LHPP: variants seen among roughly 807,000 people sequenced by gnomAD.
LHPP encodes phospholysine phosphohistidine inorganic pyrophosphate phosphatase, also known as hLHPP.
Under a neutral mutation model 30.3 loss-of-function variants are expected in LHPP, and 24 were observed. The observed-to-expected ratio is 0.79, with a 90% CI of 0.57 to 1.11. The LOEUF is 1.11. Ranked by LOEUF, LHPP falls within the 50% of genes most tolerant of loss-of-function variation. The pLI is 0.00. For synonymous variants in LHPP, 150 were observed against 157.1 expected (o/e 0.95, Z 0.34); for missense variants, 356 against 367.2 (o/e 0.97, Z 0.25).
At chr10:124,506,276 C>G (rs1954067161) in intron 5 of LHPP, among the ~76,000 whole-genome samples, 1 of 133,980 alleles carries the variant, frequency 7.5e-6, no homozygotes, top group African/African-American at 2.7e-5. Context: ...CCCCCCCCAC[C>G]CCGCGGTTTC....
At chr10:124,607,009 T>C (rs563896676) in intron 6 of LHPP, among the ~76,000 whole-genome samples, 63 of 152,288 alleles carry the variant, frequency 4.1e-4, no homozygotes, top group African/African-American at 1.5e-3. Context: ...CTCATGGTTC[T>C]TCCTGTCCCT....
At chr10:124,473,283 T>C (rs1952844481) in intron 1 of LHPP, among the ~76,000 whole-genome samples, 1 of 152,184 alleles carries the variant, frequency 6.6e-6, no homozygotes, top group Admixed American at 6.5e-5. Flanking sequence ...CACTGTGGTG[T>C]GCAGGGTGAT....
chr10:124,520,123 G>C (rs1047574363), intron 6 of LHPP, among the ~76,000 whole-genome samples: 1 of 152,000 alleles, frequency 6.6e-6, no homozygotes, highest in African/African-American at 2.4e-5. Context: ...GTGAGCCACC[G>C]CGCCCGGCCT....
intron 6 of LHPP, among the ~76,000 whole-genome samples, chr10:124,575,824 T>C (rs1212683385): frequency 6.6e-6 from 1 of 152,116 alleles, no homozygotes; most frequent in African/African-American, 2.4e-5. Context: ...AAAGGCATTG[T>C]GCATGTGGAT....
intron 6 of LHPP, among the ~76,000 whole-genome samples, chr10:124,519,185 C>A (rs535451512): frequency 5.3e-5 from 8 of 152,264 alleles, no homozygotes; most frequent in Non-Finnish European, 7.4e-5. Context: ...TGACCTCAGG[C>A]GAACCACCCG....
chr10:124,551,321 C>T (rs74160927), intron 6 of LHPP, among the ~76,000 whole-genome samples: 1,580 of 152,290 alleles, frequency 0.01, 22 homozygotes, highest in African/African-American at 0.037. Flanking sequence ...GGGCTCTGGA[C>T]TCACCTCCAC....
intron 6 of LHPP, among the ~76,000 whole-genome samples, chr10:124,519,893 C>T (rs112909246): frequency 0.022 from 3,350 of 151,832 alleles, 106 homozygotes; most frequent in African/African-American, 0.075. Context: ...AGTGCAGTGG[C>T]GCAGTCTCGG....
Position 124,601,237 on chromosome 10 carries a change from C to T in LHPP, c.717-12027C>T, listed in dbSNP as rs1307466160. ...TAGTGGGAGTGTGGCAGGCTGGGCC[C>T]GCCTTGCCCCTTTCAAGGAAGCAGC... On this transcript the variant is annotated intron_variant, in intron 6 of 6. Transcript: ENST00000368842. 6.6e-5 allele frequency among the ~76,000 whole-genome samples: 10 copies of T among 152,304 alleles called. No individual in the cohort carries two copies. In the East Asian group the frequency reaches 1.7e-3, roughly 26 times the overall value.
At chr10:124,469,801 C>T (rs754836344) in intron 1 of LHPP, among the ~76,000 whole-genome samples, 52 of 152,226 alleles carry the variant, frequency 3.4e-4, no homozygotes, top group African/African-American at 1.1e-3. Context: ...CAGGCGACAG[C>T]GTGCACTCGG....
At position 124,466,031 on chromosome 10, in the gene LHPP, G is replaced by A. The variant is rs139471187; in HGVS notation, c.125+4044G>A. Among the ~76,000 whole-genome samples the A allele has an allele frequency of 2.1e-3, 314 of 152,270 alleles. 1 individual carries two copies. The highest frequency in any genetic ancestry group is 2.7e-3 in the Non-Finnish European group (184 of 68,030). ...TTTGACATTATCTACCAGTGGTTGC[G>A]CTTCTGAGAATTTGTCCTATCTCGT... On this transcript the variant is annotated intron_variant, in intron 1 of 6. Coordinates refer to ENST00000368842, the MANE Select transcript of LHPP (RefSeq NM_022126.4).
intron 5 of LHPP, among the ~76,000 whole-genome samples, chr10:124,502,877 A>G (rs961974376): frequency 4.0e-5 from 6 of 150,522 alleles, no homozygotes; most frequent in African/African-American, 1.5e-4. Flanking sequence ...GGGTTTCTCC[A>G]TGTTGGCCAG....
chr10:124,607,558 A>G (rs897546525), intron 6 of LHPP, among the ~76,000 whole-genome samples: 7 of 152,152 alleles, frequency 4.6e-5, no homozygotes, highest in Non-Finnish European at 8.8e-5. Context: ...CCGGATTCTC[A>G]TTACAAAGCG....
intron 1 of LHPP, among the ~76,000 whole-genome samples, chr10:124,471,966 A>T (rs893641676): frequency 6.6e-6 from 1 of 151,474 alleles, no homozygotes; most frequent in African/African-American, 2.4e-5. Context: ...GTTCAAATTT[A>T]TAATGTTTGT....
Position 124,592,952 on chromosome 10 carries a change from A to G in LHPP, c.717-20312A>G, listed in dbSNP as rs1485289535. Among the ~76,000 whole-genome samples, 2 of 152,232 alleles carry G rather than the reference A, an allele frequency of 1.3e-5. No individual in the cohort carries two copies. Among genetic ancestry groups the G allele is most frequent in the East Asian group, 1.9e-4 (1 of 5,200 alleles). The stretch of plus-strand genomic sequence containing the variant: ...GCTGGCGTCCCGGGGGCCAGAATGA[A>G]TGGACCCTCACTGGGCCGCTTTGAC... On this transcript the variant is annotated intron_variant, in intron 6 of 6. Transcript: ENST00000368842. This position sits in a 1 kb window ranked among gnomAD's most constrained non-coding sequence, Gnocchi z 6.2.
chr10:124,591,217 G>T (rs1482015741), intron 6 of LHPP, among the ~76,000 whole-genome samples: 1 of 152,208 alleles, frequency 6.6e-6, no homozygotes, highest in Non-Finnish European at 1.5e-5. Context: ...GCTCCAGCCG[G>T]CATGGCCTGA....
chr10:124,532,902 C>A (rs777727264), intron 6 of LHPP, among the ~76,000 whole-genome samples: 1 of 152,172 alleles, frequency 6.6e-6, no homozygotes, highest in Non-Finnish European at 1.5e-5. Context: ...TTCAGGTGCT[C>A]GACTGGGCTG....
intron 2 of LHPP, 64 bp from the exon 3 acceptor site, chr10:124,488,358 G>A (rs1953404347): frequency 3.4e-6 from 5 of 1,451,538 alleles, no homozygotes; most frequent in Admixed American, 3.7e-5. Flanking sequence ...CCTGGTAGGA[G>A]ATGGGGAGGT....
In LHPP at chr10:124,596,503, G is replaced by T. The variant is rs1948944315; in HGVS notation, c.717-16761G>T. ...AGGGGCCTGCATGAATCCCTTTTAG[G>T]TGGAACACACACAGAGTGGGCCGGC... On this transcript the variant is annotated intron_variant, in intron 6 of 6. Transcript: ENST00000368842. This position sits in a 1 kb window ranked among gnomAD's most constrained non-coding sequence, Gnocchi z 4.6. Among the ~76,000 whole-genome samples the T allele has an allele frequency of 6.6e-6, 1 of 152,150 alleles. No homozygotes were observed. Among genetic ancestry groups the T allele is most frequent in the Non-Finnish European group, 1.5e-5 (1 of 68,024 alleles).
At chr10:124,512,336 G>T (rs1454122894) in intron 5 of LHPP, among the ~76,000 whole-genome samples, 1 of 152,130 alleles carries the variant, frequency 6.6e-6, no homozygotes, top group Non-Finnish European at 1.5e-5. Flanking sequence ...ACATGTTTAG[G>T]CCGGGCGCGG....
Sources: allele counts gnomAD v4.1 joint callset (sites outside exome capture counted in the v4.1 genomes callset), GRCh38; gene constraint gnomAD v4.1.1; non-coding constraint Gnocchi (gnomAD v3.1); transcripts MANE v1.5; gene names NCBI Gene and HGNC (gene_info 2026-07-23, HGNC 2026-07-21).